The following UMAD1 variants were observed in gnomAD, a reference collection of about 807,000 sequenced individuals.
UMAD1 encodes UBAP1-MVB12-associated (UMA) domain containing 1.
A neutral mutation model predicts 6.1 loss-of-function variants in UMAD1; 8 were observed. The observed-to-expected ratio is 1.30, with a 90% CI of 0.76 to 2.35. UMAD1 has a LOEUF of 2.35. Among genes scored for constraint, UMAD1 ranks in the 30% most tolerant of loss-of-function variants. The probability of loss-of-function intolerance (pLI) is 0.00; values close to 1 mark genes in which losing one functional copy is unlikely to be tolerated. For missense variants in UMAD1, 130 were observed against 78.4 expected, an observed-to-expected ratio of 1.66 and a Z score of -2.49; for synonymous variants, 56 against 31.4, an observed-to-expected ratio of 1.78 and a Z score of -2.61.
intron 3 of UMAD1, among the ~76,000 whole-genome samples, chr7:7,859,151 G>A (rs1166554587): frequency 6.6e-6 from 1 of 152,076 alleles, no homozygotes; most frequent in South Asian, 2.1e-4. Context: ...CTGATTTCAA[G>A]GCATATATTA....
At chr7:7,860,322 T>A (rs986448832) in intron 3 of UMAD1, among the ~76,000 whole-genome samples, 1 of 152,140 alleles carries the variant, frequency 6.6e-6, no homozygotes, top group Non-Finnish European at 1.5e-5. Flanking sequence ...TAATTCAAAA[T>A]AAGCAGGAAC....
intron 1 of UMAD1, among the ~76,000 whole-genome samples, chr7:7,669,071 A>G (rs1378412838): frequency 8.3e-6 from 1 of 120,354 alleles, no homozygotes; most frequent in African/African-American, 3.3e-5. Context: ...CAGTGGCCCC[A>G]GCTGGGAATC....
chr7:7,786,582 C>G (rs946375957), intron 2 of UMAD1, among the ~76,000 whole-genome samples: 3 of 151,936 alleles, frequency 2.0e-5, no homozygotes, highest in African/African-American at 7.3e-5. Context: ...CCCCCGTAAG[C>G]CTTGTTCAGA....
At chr7:7,658,462 C>G (rs189041457) in intron 1 of UMAD1, among the ~76,000 whole-genome samples, 1 of 152,216 alleles carries the variant, frequency 6.6e-6, no homozygotes, top group African/African-American at 2.4e-5. Context: ...ATAAATAGCT[C>G]TTATTATTTT....
intron 3 of UMAD1, among the ~76,000 whole-genome samples, chr7:7,876,198 G>A (rs185615874): frequency 9.5e-4 from 144 of 152,216 alleles, no homozygotes; most frequent in Non-Finnish European, 7.4e-4. Context: ...CCTGGTCTGA[G>A]GGAATGGAAA....
At chr7:7,858,566 A>T (rs893219053) in intron 3 of UMAD1, among the ~76,000 whole-genome samples, 3 of 152,214 alleles carry the variant, frequency 2.0e-5, no homozygotes, top group African/African-American at 7.2e-5. Flanking sequence ...AAAGTTGACT[A>T]CCTAGAAACT....
chr7:7,665,226 T>C (rs1340759864), intron 1 of UMAD1, among the ~76,000 whole-genome samples: 2 of 152,142 alleles, frequency 1.3e-5, no homozygotes, highest in Admixed American at 6.5e-5. Flanking sequence ...CTTGGAGTAA[T>C]AGGAAAAAAG....
At chr7:7,711,291 C>T (rs183563311) in intron 2 of UMAD1, among the ~76,000 whole-genome samples, 153 of 152,294 alleles carry the variant, frequency 1.0e-3, no homozygotes, top group Middle Eastern at 3.4e-3. Context: ...CAACATGATG[C>T]TGTTACAAAC....
intron 2 of UMAD1, among the ~76,000 whole-genome samples, chr7:7,730,340 C>CT (rs1781223346): frequency 6.6e-6 from 1 of 152,134 alleles, no homozygotes; most frequent in Non-Finnish European, 1.5e-5. Flanking sequence ...TTTAGACACT[C>CT]CCCAGGTGAT....
At chr7:7,845,593 C>A (rs1026968501) in intron 3 of UMAD1, among the ~76,000 whole-genome samples, 2 of 152,072 alleles carry the variant, frequency 1.3e-5, no homozygotes, top group Non-Finnish European at 1.5e-5. Context: ...TTTCACTGAA[C>A]TCTTTAAAGC....
chr7:7,793,488 A>G lies in UMAD1; in HGVS notation c.83-8182A>G, dbSNP rs578167782. Among the ~76,000 whole-genome samples the G allele has an allele frequency of 3.3e-5, 5 of 152,370 alleles. No individual in the cohort carries two copies. In the South Asian group the frequency reaches 8.3e-4, roughly 25 times the overall value. On this transcript the variant is annotated intron_variant, in intron 2 of 3. Coordinates refer to ENST00000682710, the MANE Select transcript of UMAD1 (RefSeq NM_001302348.2). Reference sequence around the variant, plus strand: ...GTATTTGCATTTTAAAAGCGAGCTCATTAACCCTAATGAATCTCTAATTGG... The same window carrying G: ...GTATTTGCATTTTAAAAGCGAGCTCGTTAACCCTAATGAATCTCTAATTGG...
chr7:7,781,319 C>T (rs1782339260), intron 2 of UMAD1, among the ~76,000 whole-genome samples: 2 of 152,048 alleles, frequency 1.3e-5, no homozygotes, highest in Admixed American at 1.3e-4. Flanking sequence ...GCAGCTTCCC[C>T]TCCCGACCTT....
intron 2 of UMAD1, among the ~76,000 whole-genome samples, chr7:7,681,771 G>A (rs1779919881): frequency 6.6e-6 from 1 of 152,064 alleles, no homozygotes; most frequent in Admixed American, 6.6e-5. Flanking sequence ...GTTATGACAT[G>A]TTTAATTGTA....
At chr7:7,652,617 G>A (rs145401505) in intron 1 of UMAD1, among the ~76,000 whole-genome samples, 3 of 152,342 alleles carry the variant, frequency 2.0e-5, no homozygotes, top group East Asian at 1.9e-4. Context: ...AAAGAGGCAG[G>A]AAGTAGATTG....
At chr7:7,852,249 A>G (rs548028505) in intron 3 of UMAD1, among the ~76,000 whole-genome samples, 1 of 152,346 alleles carries the variant, frequency 6.6e-6, no homozygotes, top group East Asian at 1.9e-4. Flanking sequence ...TCACATCAAC[A>G]TAACAGCAGC....
rs16871949 is a variant in UMAD1, at chr7:7,859,989, C to T, written c.157-17292C>T. ...AAATTTTCCTCTTATGATTTTTAGA[C>T]ACCATTGTGGCTTCTCATTTTTAAT... is the stretch of plus-strand genomic sequence containing the variant. On this transcript the variant is annotated intron_variant, in intron 3 of 3. Coordinates refer to ENST00000682710, the MANE Select transcript of UMAD1 (RefSeq NM_001302348.2). Among the ~76,000 whole-genome samples the T allele has an allele frequency of 1.6e-3, 246 of 152,180 alleles. 6 individuals carry two copies. In the East Asian group the frequency reaches 0.032, roughly 20 times the overall value.
chr7:7,660,019 CTCT>C (rs1463465854), intron 1 of UMAD1, among the ~76,000 whole-genome samples: 5 of 152,130 alleles, frequency 3.3e-5, no homozygotes, highest in Non-Finnish European at 5.9e-5. Context: ...GGATAGTTAG[CTCT>C]TCTTGTTGCA....
In UMAD1 at chr7:7,653,570, C is replaced by A. The variant is rs28992777; in HGVS notation, c.-64+12749C>A. Among the ~76,000 whole-genome samples, 712 of 152,292 alleles carry A rather than the reference C, an allele frequency of 4.7e-3. 7 individuals carry two copies. The highest frequency in any genetic ancestry group is 0.017 in the African/African-American group (687 of 41,558). On this transcript the variant is annotated intron_variant, in intron 1 of 3. Coordinates refer to ENST00000682710, the MANE Select transcript of UMAD1 (RefSeq NM_001302348.2). ...GTGCATCACGCACTAGGTGATCATA[C>A]CCATTCACAGAGGAGTTACAACACA...
At chr7:7,716,894 A>G (rs1780922382) in intron 2 of UMAD1, among the ~76,000 whole-genome samples, 2 of 151,986 alleles carry the variant, frequency 1.3e-5, no homozygotes, top group Non-Finnish European at 2.9e-5. Context: ...TGCTATGTAA[A>G]TGGCACACCT....
Sources: gnomAD v4.1 joint callset for allele counts (sites outside exome capture counted in the v4.1 genomes callset) on GRCh38, gnomAD v4.1.1 for gene constraint, MANE v1.5 for transcripts, NCBI Gene and HGNC (gene_info 2026-07-23, HGNC 2026-07-21) for gene names.